Variants in NAALADL2 observed in about 807,000 individuals in gnomAD.
The protein encoded by NAALADL2 is inactive N-acetylated-alpha-linked acidic dipeptidase-like protein 2.
NAALADL2 carries 76 observed loss-of-function variants against 87.2 expected under a neutral mutation model. The ratio of observed to expected loss-of-function variants is 0.87; its 90% CI spans 0.72 to 1.05. The LOEUF (loss-of-function observed/expected upper bound fraction) is 1.05, where lower values mean the gene tolerates loss of function less well. Ranked by LOEUF, NAALADL2 falls within the 50% of genes least tolerant of loss-of-function variation. The pLI is 0.00. For missense variants in NAALADL2, 1,089 were observed against 945.8 expected, an observed-to-expected ratio of 1.15 and a Z score of -1.99; for synonymous variants, 354 against 331.0, an observed-to-expected ratio of 1.07 and a Z score of -0.75.
intron 1 of NAALADL2, among the ~76,000 whole-genome samples, chr3:174,925,167 T>C (rs543293205): frequency 1.1e-3 from 175 of 152,298 alleles, no homozygotes; most frequent in Admixed American, 3.1e-3. Flanking sequence ...ATGAATGGTG[T>C]TGCCTAGGTT....
intron 12 of NAALADL2, among the ~76,000 whole-genome samples, chr3:175,753,356 T>G (rs561747162): frequency 6.6e-6 from 1 of 152,196 alleles, no homozygotes; most frequent in African/African-American, 2.4e-5. Flanking sequence ...ATAAAACTAC[T>G]TATCTCTTTA....
At chr3:175,670,077 G>A (rs113557941) in intron 11 of NAALADL2, among the ~76,000 whole-genome samples, 2,177 of 151,946 alleles carry the variant, frequency 0.014, 52 homozygotes, top group African/African-American at 0.05. Flanking sequence ...TACTATTCAC[G>A]ATAACTTTAT....
intron 1 of NAALADL2, among the ~76,000 whole-genome samples, chr3:175,058,415 A>G (rs1039880568): frequency 6.6e-6 from 1 of 152,228 alleles, no homozygotes; most frequent in African/African-American, 2.4e-5. Flanking sequence ...TTAGTAACTC[A>G]GTATAGGCAC....
At chr3:175,409,423 A>T (rs1258140624) in intron 5 of NAALADL2, among the ~76,000 whole-genome samples, 1 of 151,954 alleles carries the variant, frequency 6.6e-6, no homozygotes, top group East Asian at 1.9e-4. Flanking sequence ...AGTGATATTT[A>T]TCAATAACTT....
intron 1 of NAALADL2, among the ~76,000 whole-genome samples, chr3:174,971,071 G>C (rs1313355860): frequency 6.6e-6 from 1 of 152,084 alleles, no homozygotes; most frequent in African/African-American, 2.4e-5. Context: ...GAGGAAGAAG[G>C]AAAAGCAGCA....
At chr3:174,717,324 T>C (rs1020767782) in intron 2 of NAALADL2, among the ~76,000 whole-genome samples, 1 of 152,138 alleles carries the variant, frequency 6.6e-6, no homozygotes, top group Non-Finnish European at 1.5e-5. Context: ...AAGGTTGATA[T>C]TGGTTTTGAT....
intron 4 of NAALADL2, among the ~76,000 whole-genome samples, chr3:175,303,141 TTTTG>T (rs35334184): frequency 0.015 from 2,262 of 152,070 alleles, 19 homozygotes; most frequent in South Asian, 0.026. Context: ...ACAGACGTAG[TTTTG>T]TTTGTGTTTT....
chr3:175,009,446 A>G (rs1320982269), intron 1 of NAALADL2, among the ~76,000 whole-genome samples: 1 of 152,176 alleles, frequency 6.6e-6, no homozygotes, highest in African/African-American at 2.4e-5. Flanking sequence ...AAGAAGTAAA[A>G]ACAGGGACCA....
intron 1 of NAALADL2, among the ~76,000 whole-genome samples, chr3:174,485,887 A>G (rs946208129): frequency 6.6e-6 from 1 of 151,944 alleles, no homozygotes; most frequent in East Asian, 1.9e-4. Context: ...TAAGTCTTTG[A>G]TCCATCTTGA....
intron 11 of NAALADL2, among the ~76,000 whole-genome samples, chr3:175,634,415 T>C (rs1250615328): frequency 6.6e-6 from 1 of 151,992 alleles, no homozygotes; most frequent in Non-Finnish European, 1.5e-5. Flanking sequence ...AAAATGATCT[T>C]CTCATTTTAT....
intron 3 of NAALADL2, among the ~76,000 whole-genome samples, chr3:174,832,734 G>A (rs991557678): frequency 2.0e-5 from 3 of 152,084 alleles, no homozygotes; most frequent in Non-Finnish European, 4.4e-5. Context: ...CCAAAGTGCT[G>A]GGATTACAGG....
intron 2 of NAALADL2, among the ~76,000 whole-genome samples, chr3:175,135,774 C>G (rs551138223): frequency 6.6e-6 from 1 of 151,698 alleles, no homozygotes; most frequent in Non-Finnish European, 1.5e-5. Context: ...ATAAGAAATC[C>G]GAGATCAATA....
chr3:175,603,756 A>G (rs934683493), intron 10 of NAALADL2, among the ~76,000 whole-genome samples: 2 of 152,244 alleles, frequency 1.3e-5, no homozygotes, highest in Non-Finnish European at 2.9e-5. Context: ...GCTACTGAGA[A>G]TAACGCTGCT....
intron 2 of NAALADL2, among the ~76,000 whole-genome samples, chr3:175,120,524 A>G (rs1370211110): frequency 6.6e-6 from 1 of 151,794 alleles, no homozygotes; most frequent in Non-Finnish European, 1.5e-5. Flanking sequence ...AAATGACAAG[A>G]GTGAAGGCCA....
chr3:175,052,365 T>C (rs1755520133), intron 1 of NAALADL2, among the ~76,000 whole-genome samples: 1 of 152,234 alleles, frequency 6.6e-6, no homozygotes, highest in Admixed American at 6.5e-5. Flanking sequence ...GGGGCCAGTT[T>C]ATGGCCAGAT....
At chr3:175,644,221 C>T (rs892550442) in intron 11 of NAALADL2, among the ~76,000 whole-genome samples, 3 of 151,986 alleles carry the variant, frequency 2.0e-5, no homozygotes, top group Non-Finnish European at 4.4e-5. Context: ...TTGAAAATAT[C>T]TGCTCTCAGA....
At chr3:174,874,356 A>C (rs1310331272) in intron 1 of NAALADL2, among the ~76,000 whole-genome samples, 1 of 152,186 alleles carries the variant, frequency 6.6e-6, no homozygotes, top group East Asian at 1.9e-4. Flanking sequence ...CTGATACTTA[A>C]TGTGCCAAGT....
intron 5 of NAALADL2, among the ~76,000 whole-genome samples, chr3:175,388,796 T>C (rs1768731110): frequency 6.6e-6 from 1 of 152,160 alleles, no homozygotes; most frequent in Admixed American, 6.6e-5. Context: ...GTGTCCTTCA[T>C]CCTAGACTCC....
At chr3:175,101,579 G>A (rs911533961) in intron 2 of NAALADL2, among the ~76,000 whole-genome samples, 1 of 152,052 alleles carries the variant, frequency 6.6e-6, no homozygotes, top group Non-Finnish European at 1.5e-5. Flanking sequence ...TTTTGCCATC[G>A]AAAGTAATGG....
Sources: allele counts gnomAD v4.1 joint callset (sites outside exome capture counted in the v4.1 genomes callset), GRCh38; gene constraint gnomAD v4.1.1; transcripts MANE v1.5; gene names NCBI Gene and HGNC (gene_info 2026-07-23, HGNC 2026-07-21).